ARHGAP6: variants seen among roughly 807,000 people sequenced by gnomAD.
The protein encoded by ARHGAP6 is rho GTPase-activating protein 6.
A neutral mutation model predicts 55.7 loss-of-function variants in ARHGAP6; 16 were observed. The observed-to-expected ratio is 0.29, with a 90% CI of 0.19 to 0.44. The LOEUF is 0.44. Ranked by LOEUF, ARHGAP6 falls within the 20% of genes least tolerant of loss-of-function variation. The probability of loss-of-function intolerance (pLI) is 1.00; values close to 1 mark genes in which losing one functional copy is unlikely to be tolerated. For synonymous variants in ARHGAP6, 382 were observed against 360.9 expected (o/e 1.06, Z -0.66); for missense variants, 698 against 808.9 (o/e 0.86, Z 1.66).
intron 2 of ARHGAP6, among the ~76,000 whole-genome samples, chrX:11,209,202 C>T (rs748246536): frequency 2.7e-5 from 3 of 112,325 alleles, no homozygotes; most frequent in Admixed American, 9.4e-5. Context: ...AGTGCAGCGG[C>T]GTAATCGAGG....
At chrX:11,193,426 G>A (rs142024050) in intron 3 of ARHGAP6, among the ~76,000 whole-genome samples, 481 of 112,788 alleles carry the variant, frequency 4.3e-3, no homozygotes, top group Non-Finnish European at 4.6e-3. Context: ...CCGGCACCCC[G>A]TCCTCCTCAC....
At position 11,276,950 on chromosome X, in the gene ARHGAP6, T is replaced by C. The variant is rs183329362; in HGVS notation, c.589-22243A>G. On this transcript the variant is annotated intron_variant, in intron 1 of 12. Coordinates refer to ENST00000337414, the MANE Select transcript of ARHGAP6 (RefSeq NM_013427.3). ...AGTTCTGTGTTTCTTTTTAGTATAC[T>C]CATAGATAGTGTACAACCATCATCA... 1.9e-3 allele frequency among the ~76,000 whole-genome samples: 216 copies of C among 111,678 alleles called. 1 individual carries two copies. Among genetic ancestry groups the C allele is most frequent in the African/African-American group, 6.1e-3 (187 of 30,780 alleles).
At chrX:11,207,495 A>G (rs2046723230) in intron 2 of ARHGAP6, among the ~76,000 whole-genome samples, 1 of 112,382 alleles carries the variant, frequency 8.9e-6, no homozygotes, top group Non-Finnish European at 1.9e-5. Flanking sequence ...TAGAACAATT[A>G]CTAACCCCTT....
chrX:11,645,294 G>A (rs1170691831), intron 1 of ARHGAP6, among the ~76,000 whole-genome samples: 1 of 110,804 alleles, frequency 9.0e-6, no homozygotes, highest in Non-Finnish European at 1.9e-5. Flanking sequence ...AAAATCCATA[G>A]AATTATACTC....
At chrX:11,292,365 G>GT (rs1188338566) in intron 1 of ARHGAP6, among the ~76,000 whole-genome samples, 1 of 111,612 alleles carries the variant, frequency 9.0e-6, no homozygotes, top group African/African-American at 3.3e-5. Context: ...GTTATACCAA[G>GT]GTAGAGGGGT....
chrX:11,601,702 G>A (rs370199310), intron 1 of ARHGAP6, among the ~76,000 whole-genome samples: 4 of 111,480 alleles, frequency 3.6e-5, no homozygotes, highest in South Asian at 7.6e-4. Context: ...ACTATGTGCC[G>A]GCCAATGTGT....
chrX:11,632,217 T>A (rs2052368582), intron 1 of ARHGAP6, among the ~76,000 whole-genome samples: 1 of 112,676 alleles, frequency 8.9e-6, no homozygotes, highest in Non-Finnish European at 1.9e-5. Context: ...AGCTAATATC[T>A]ACATTTTCTA....
Position 11,443,826 on chromosome X carries a change from G to A in ARHGAP6, c.589-189119C>T, listed in dbSNP as rs746650962. Among the ~76,000 whole-genome samples the A allele has an allele frequency of 5.4e-5, 6 of 111,909 alleles. No homozygotes were observed. In the South Asian group the frequency reaches 2.3e-3, roughly 42 times the overall value. ...ACCTGCAGTCTCAGCTACTCGGGAGGCTGAGGCAGGAGAATGGCATGAACC... is the reference window on the plus strand; with the variant it reads ...ACCTGCAGTCTCAGCTACTCGGGAGACTGAGGCAGGAGAATGGCATGAACC... On this transcript the variant is annotated intron_variant, in intron 1 of 12. Transcript: ENST00000337414.
At chrX:11,143,568 T>C (rs890418335) in intron 11 of ARHGAP6, 2 of 888,771 alleles carry the variant, frequency 2.3e-6, no homozygotes, top group African/African-American at 2.1e-5. Flanking sequence ...TCTTCATACA[T>C]ATAGTAGGTT....
intron 6 of ARHGAP6, among the ~76,000 whole-genome samples, chrX:11,181,372 C>T (rs1206746512): frequency 1.8e-5 from 2 of 112,195 alleles, no homozygotes; most frequent in Admixed American, 9.4e-5. Flanking sequence ...TTCCTTATCT[C>T]CTTCCATTGA....
intron 10 of ARHGAP6, among the ~76,000 whole-genome samples, chrX:11,149,504 A>G (rs946614300): frequency 1.8e-5 from 2 of 111,202 alleles, no homozygotes; most frequent in African/African-American, 6.5e-5. Flanking sequence ...CATAATTTCC[A>G]GGGTATTGAG....
intron 1 of ARHGAP6, among the ~76,000 whole-genome samples, chrX:11,608,612 C>G (rs1342186293): frequency 9.0e-6 from 1 of 111,590 alleles, no homozygotes; most frequent in African/African-American, 3.3e-5. Flanking sequence ...GTGCCCCCAC[C>G]CAAATCTCAT....
chrX:11,525,808 C>G (rs1330256086), intron 1 of ARHGAP6, among the ~76,000 whole-genome samples: 2 of 111,139 alleles, frequency 1.8e-5, no homozygotes, highest in Non-Finnish European at 3.8e-5. Flanking sequence ...AGGAAAAAAT[C>G]TACGTAAGCA....
At chrX:11,211,781 T>A (rs1183219506) in intron 2 of ARHGAP6, among the ~76,000 whole-genome samples, 2 of 111,697 alleles carry the variant, frequency 1.8e-5, no homozygotes, top group African/African-American at 3.3e-5. Flanking sequence ...TGACCCGTGA[T>A]CCACCCACCT....
intron 1 of ARHGAP6, among the ~76,000 whole-genome samples, chrX:11,545,793 TCA>T (rs1344669105): frequency 8.9e-6 from 1 of 111,917 alleles, no homozygotes; most frequent in Non-Finnish European, 1.9e-5. Flanking sequence ...ATTTTATTAT[TCA>T]CAGAGTAAGT....
At chrX:11,380,879 T>C (rs781695762) in intron 1 of ARHGAP6, among the ~76,000 whole-genome samples, 21 of 112,228 alleles carry the variant, frequency 1.9e-4, no homozygotes, top group Middle Eastern at 4.6e-3. Context: ...TTGCCAAGTG[T>C]CCTCTGGGAG....
At chrX:11,587,992 T>C (rs1468732459) in intron 1 of ARHGAP6, among the ~76,000 whole-genome samples, 1 of 112,280 alleles carries the variant, frequency 8.9e-6, no homozygotes, top group Non-Finnish European at 1.9e-5. Context: ...CACAGTGATA[T>C]GTGTTTATTT....
intron 1 of ARHGAP6, among the ~76,000 whole-genome samples, chrX:11,329,163 G>C (rs1029533050): frequency 8.9e-6 from 1 of 111,852 alleles, no homozygotes; most frequent in Admixed American, 9.5e-5. Flanking sequence ...AGGTTACCGA[G>C]CCCAGGCAAT....
chrX:11,352,234 A>G (rs2048871622), intron 1 of ARHGAP6, among the ~76,000 whole-genome samples: 1 of 111,852 alleles, frequency 8.9e-6, no homozygotes, highest in African/African-American at 3.3e-5. Context: ...TAGTTTACCC[A>G]CACAACACAC....
Sources: gnomAD v4.1 joint callset for allele counts (sites outside exome capture counted in the v4.1 genomes callset) on GRCh38, gnomAD v4.1.1 for gene constraint, MANE v1.5 for transcripts, NCBI Gene and HGNC (gene_info 2026-07-23, HGNC 2026-07-21) for gene names.